The following DLG2 variants were observed in gnomAD, a reference collection of about 807,000 sequenced individuals.
DLG2 encodes the protein discs large MAGUK scaffold protein 2, also known as disks large homolog 2.
A neutral mutation model predicts 132.5 loss-of-function variants in DLG2; 45 were observed. That is an observed-to-expected ratio of 0.34 (90% CI 0.27 to 0.44). The LOEUF is 0.44. Among genes scored for constraint, DLG2 ranks in the 20% least tolerant of loss-of-function variants. DLG2 has a pLI of 1.00. For synonymous variants in DLG2, 424 were observed against 419.6 expected (o/e 1.01, Z -0.13); for missense variants, 1,045 against 1,196.9 (o/e 0.87, Z 1.87).
chr11:84,181,813 A>G (rs1477384539), intron 8 of DLG2, among the ~76,000 whole-genome samples: 1 of 152,210 alleles, frequency 6.6e-6, no homozygotes, highest in Non-Finnish European at 1.5e-5. Flanking sequence ...AAAGTAGTCA[A>G]TACTGGGAGA....
intron 6 of DLG2, among the ~76,000 whole-genome samples, chr11:85,097,774 T>C (rs1274497903): frequency 6.6e-6 from 1 of 152,214 alleles, no homozygotes; most frequent in African/African-American, 2.4e-5. Context: ...GTTTATTCTG[T>C]ATACATAGTA....
At chr11:83,487,421 T>C (rs1488288637) in intron 21 of DLG2, among the ~76,000 whole-genome samples, 1 of 152,098 alleles carries the variant, frequency 6.6e-6, no homozygotes, top group Non-Finnish European at 1.5e-5. Flanking sequence ...GTTAGTACCA[T>C]CATTATTCCC....
intron 17 of DLG2, among the ~76,000 whole-genome samples, chr11:83,823,602 G>T (rs997497784): frequency 1.3e-5 from 2 of 152,052 alleles, no homozygotes; most frequent in African/African-American, 2.4e-5. Flanking sequence ...ACTGAGAGGG[G>T]TCCTAGGATT....
intron 17 of DLG2, among the ~76,000 whole-genome samples, chr11:83,820,639 A>G (rs1226407205): frequency 1.3e-5 from 2 of 152,160 alleles, no homozygotes; most frequent in African/African-American, 4.8e-5. Flanking sequence ...CCCTGGAGAT[A>G]GTTGTTCCTG....
chr11:84,039,021 G>C (rs746646888), intron 11 of DLG2, among the ~76,000 whole-genome samples: 1 of 152,004 alleles, frequency 6.6e-6, no homozygotes, highest in Non-Finnish European at 1.5e-5. Context: ...TACAAGATGA[G>C]ATTTGTTTTA....
At chr11:83,537,255 G>A (rs1407654418) in intron 20 of DLG2, among the ~76,000 whole-genome samples, 3 of 152,078 alleles carry the variant, frequency 2.0e-5, no homozygotes, top group Non-Finnish European at 2.9e-5. Context: ...TCTCCCATCT[G>A]GTATTTTTAG....
intron 15 of DLG2, among the ~76,000 whole-genome samples, chr11:83,916,451 G>A (rs2076939703): frequency 6.6e-6 from 1 of 151,942 alleles, no homozygotes; most frequent in Non-Finnish European, 1.5e-5. Context: ...GAGTAGCTGG[G>A]ATTCCAGGAT....
chr11:85,077,631 T>C (rs1405437491), intron 6 of DLG2, among the ~76,000 whole-genome samples: 2 of 131,112 alleles, frequency 1.5e-5, no homozygotes, highest in Non-Finnish European at 3.4e-5. Flanking sequence ...AACATCATAA[T>C]TGTCAAAAGT....
At chr11:84,578,111 T>C (rs560420380) in intron 6 of DLG2, among the ~76,000 whole-genome samples, 2 of 152,316 alleles carry the variant, frequency 1.3e-5, no homozygotes, top group South Asian at 2.1e-4. Context: ...TCAACCTAGA[T>C]TTCAGAAGAT....
chr11:84,582,715 TGAG>T (rs990499060), intron 6 of DLG2, among the ~76,000 whole-genome samples: 1 of 152,070 alleles, frequency 6.6e-6, no homozygotes, highest in Non-Finnish European at 1.5e-5. Flanking sequence ...AGCAAAAAAC[TGAG>T]GAGTGACTTT....
chr11:83,833,795 G>A (rs944302903), intron 16 of DLG2, 25 bp from the exon 17 acceptor site: 2 of 1,605,832 alleles, frequency 1.2e-6, no homozygotes, highest in African/African-American at 1.3e-5. Context: ...AGAGAACACA[G>A]CTCAGAGGGT....
chr11:85,335,197 A>G (rs763644955), intron 3 of DLG2, among the ~76,000 whole-genome samples: 1 of 150,172 alleles, frequency 6.7e-6, no homozygotes, highest in Non-Finnish European at 1.5e-5. Context: ...TCAATATTAA[A>G]GTCACTTTGT....
At chr11:83,894,918 T>A (rs2071119803) in intron 15 of DLG2, among the ~76,000 whole-genome samples, 1 of 152,140 alleles carries the variant, frequency 6.6e-6, no homozygotes, top group Non-Finnish European at 1.5e-5. Context: ...CCTGGCTTAT[T>A]TTATTTAAAT....
intron 7 of DLG2, among the ~76,000 whole-genome samples, chr11:84,364,709 T>G (rs1204837196): frequency 1.3e-5 from 2 of 152,132 alleles, no homozygotes; most frequent in Non-Finnish European, 2.9e-5. Flanking sequence ...TATTGAGAGT[T>G]TTTAGCATGA....
At chr11:84,133,744 T>C (rs1207462876) in intron 9 of DLG2, among the ~76,000 whole-genome samples, 1 of 151,954 alleles carries the variant, frequency 6.6e-6, no homozygotes, top group Non-Finnish European at 1.5e-5. Flanking sequence ...GCCTGTTTAA[T>C]AGCTGGGACT....
chr11:83,695,022 G>A (rs1401923328), intron 18 of DLG2, among the ~76,000 whole-genome samples: 2 of 152,134 alleles, frequency 1.3e-5, no homozygotes, highest in African/African-American at 4.8e-5. Flanking sequence ...CGAAATATTT[G>A]TTCACCACCT....
At chr11:83,659,936 T>C (rs1178136397) in intron 18 of DLG2, among the ~76,000 whole-genome samples, 1 of 152,232 alleles carries the variant, frequency 6.6e-6, no homozygotes, top group African/African-American at 2.4e-5. Flanking sequence ...CCTATCTCAA[T>C]GCTATTATTT....
At chr11:84,415,645 C>T (rs555726506) in intron 7 of DLG2, among the ~76,000 whole-genome samples, 60 of 152,224 alleles carry the variant, frequency 3.9e-4, no homozygotes, top group Middle Eastern at 3.4e-3. Flanking sequence ...GTGTGGCCAG[C>T]GCCAGTGAAA....
chr11:84,993,693 A>G (rs200602100), intron 6 of DLG2, among the ~76,000 whole-genome samples: 1 of 151,936 alleles, frequency 6.6e-6, no homozygotes, highest in Non-Finnish European at 1.5e-5. Flanking sequence ...TTTAATCTTT[A>G]CCTCTAATGG....
Sources: gnomAD v4.1 joint callset for allele counts (sites outside exome capture counted in the v4.1 genomes callset) on GRCh38, gnomAD v4.1.1 for gene constraint, MANE v1.5 for transcripts, NCBI Gene and HGNC (gene_info 2026-07-23, HGNC 2026-07-21) for gene names.